The following CDC73 variants were observed in gnomAD, a reference collection of about 807,000 sequenced individuals.
The protein encoded by CDC73 is parafibromin.
Under a neutral mutation model 83.7 loss-of-function variants are expected in CDC73, and 21 were observed. The ratio of observed to expected loss-of-function variants is 0.25; its 90% CI spans 0.18 to 0.36. CDC73 has a LOEUF of 0.36. Among genes scored for constraint, CDC73 ranks in the 10% least tolerant of loss-of-function variants. The pLI is 1.00. For synonymous variants in CDC73, 224 were observed against 212.9 expected (o/e 1.05, Z -0.45); for missense variants, 342 against 653.3 (o/e 0.52, Z 5.19).
chr1:193,196,334 A>G (rs915520206), intron 10 of CDC73, among the ~76,000 whole-genome samples: 4 of 152,126 alleles, frequency 2.6e-5, no homozygotes, highest in Non-Finnish European at 2.9e-5. Flanking sequence ...ATTCTAGTCC[A>G]TTAATCTGTA....
chr1:193,207,987 G>A (rs999041621), intron 11 of CDC73, among the ~76,000 whole-genome samples: 6 of 152,154 alleles, frequency 3.9e-5, no homozygotes, highest in Non-Finnish European at 7.3e-5. Context: ...TTAACTGTCT[G>A]TGTAACATTT....
rs2102075521 is a variant in CDC73 at position 193,251,718 on chromosome 1, T to C, written c.*1006T>C. The C allele has an allele frequency of 4.3e-6, 1 of 232,158 alleles. No homozygotes were observed. The highest frequency in any genetic ancestry group is 5.6e-5 in the Admixed American group (1 of 17,732). 14.4% of individuals were successfully genotyped at this position (232,158 alleles called of 1,614,324 possible). The stretch of plus-strand genomic sequence containing the variant: ...CTGGTATTTTTATGTCTGTATTCAA[T>C]ATGGTATAAAATATAAAAACTATAT... On this transcript the variant is annotated 3_prime_UTR_variant, in exon 17 of 17. Transcript: ENST00000367435.
intron 10 of CDC73, chr1:193,179,448 C>T (rs749130971): frequency 2.0e-5 from 3 of 152,526 alleles, no homozygotes; most frequent in Admixed American, 6.5e-5. Context: ...CAGATATATT[C>T]GAAGTTAGAT....
chr1:193,160,447 A>G (rs1269530836), intron 10 of CDC73, among the ~76,000 whole-genome samples: 1 of 152,106 alleles, frequency 6.6e-6, no homozygotes, highest in African/African-American at 2.4e-5. Context: ...ACTATGAAAC[A>G]TAGTTTTGGT....
chr1:193,245,324 C>T (rs1677935521), intron 15 of CDC73, among the ~76,000 whole-genome samples: 1 of 152,132 alleles, frequency 6.6e-6, no homozygotes, highest in African/African-American at 2.4e-5. Flanking sequence ...CTTTTTACTT[C>T]TATGAGTTCA....
At chr1:193,215,982 G>C (rs1677360484) in intron 13 of CDC73, among the ~76,000 whole-genome samples, 1 of 152,174 alleles carries the variant, frequency 6.6e-6, no homozygotes, top group Non-Finnish European at 1.5e-5. Flanking sequence ...AAAGTTCATA[G>C]TGCTAAATGC....
chr1:193,178,426 T>C (rs1445994183), intron 10 of CDC73, among the ~76,000 whole-genome samples: 2 of 152,202 alleles, frequency 1.3e-5, no homozygotes, highest in Non-Finnish European at 2.9e-5. Flanking sequence ...AATTACTATC[T>C]TTTAAAGATC....
chr1:193,246,009 T>C (rs1375273597), intron 15 of CDC73, among the ~76,000 whole-genome samples: 1 of 152,190 alleles, frequency 6.6e-6, no homozygotes, highest in East Asian at 1.9e-4. Context: ...TTTAAGTTTC[T>C]AGTATATTCT....
intron 3 of CDC73, among the ~76,000 whole-genome samples, chr1:193,131,863 T>C (rs1252494560): frequency 2.0e-5 from 3 of 152,222 alleles, no homozygotes; most frequent in Non-Finnish European, 2.9e-5. Flanking sequence ...TTCCTCCTTC[T>C]GTGGTTTTTA....
intron 14 of CDC73, 117 bp from the exon 15 acceptor site, chr1:193,236,139 T>A: frequency 1.3e-6 from 1 of 780,020 alleles, no homozygotes; most frequent in African/African-American, 1.7e-5. Context: ...TTGATAAGAC[T>A]CTTTCACATG....
chr1:193,210,168 A>G (rs986573368), intron 11 of CDC73, among the ~76,000 whole-genome samples: 1 of 152,230 alleles, frequency 6.6e-6, no homozygotes, highest in Non-Finnish European at 1.5e-5. Context: ...GTGTTTGTGT[A>G]TATAGTTATC....
At chr1:193,212,992 A>T (rs1677303883) in intron 13 of CDC73, among the ~76,000 whole-genome samples, 1 of 152,324 alleles carries the variant, frequency 6.6e-6, no homozygotes, top group South Asian at 2.1e-4. Flanking sequence ...ATTAAAATGA[A>T]TACAGTCACA....
At chr1:193,135,509 CATTT>C in intron 4 of CDC73, 24 bp from the exon 5 acceptor site, 1 of 1,611,510 alleles carries the variant, frequency 6.2e-7, no homozygotes. Context: ...CAAAACTACA[CATTT>C]ATTTACTTCT....
At chr1:193,180,249 T>C in intron 10 of CDC73, 1 of 1,494,468 alleles carries the variant, frequency 6.7e-7, no homozygotes, top group Non-Finnish European at 9.0e-7. Flanking sequence ...ATACATGCTT[T>C]TAGCAATATT....
chr1:193,134,435 C>T (rs1207474810), intron 3 of CDC73, among the ~76,000 whole-genome samples: 1 of 152,030 alleles, frequency 6.6e-6, no homozygotes, highest in Non-Finnish European at 1.5e-5. Context: ...CTTTGGGAGG[C>T]CGAGGCGGGC....
chr1:193,175,234 CAG>C (rs1217352699), intron 10 of CDC73, among the ~76,000 whole-genome samples: 1 of 152,030 alleles, frequency 6.6e-6, no homozygotes, highest in Non-Finnish European at 1.5e-5. Flanking sequence ...ATATTGGCAA[CAG>C]ATTATGTGGA....
rs1572215403 is a variant in CDC73 at position 193,233,162 on chromosome 1, A to G, written c.1316+8A>G. The G allele has an allele frequency of 6.2e-7, 1 of 1,602,090 alleles. No individual in the cohort carries two copies. The highest frequency in any genetic ancestry group is 1.3e-5 in the African/African-American group (1 of 74,796). Reference sequence around the variant, plus strand: ...ACTTATGCCTCAAGACTGGTAAGATAGTCTCTATATATATATCTTTTCACA... The same window carrying G: ...ACTTATGCCTCAAGACTGGTAAGATGGTCTCTATATATATATCTTTTCACA... On this transcript the variant is annotated splice_region_variant and intron_variant, in intron 14 of 16. Transcript: ENST00000367435.
chr1:193,127,068 A>G (rs1558278696), intron 2 of CDC73, among the ~76,000 whole-genome samples: 1 of 152,090 alleles, frequency 6.6e-6, no homozygotes. Flanking sequence ...CAGGAGTTCA[A>G]GACCAACCTG....
At chr1:193,242,138 C>G (rs1677873440) in intron 15 of CDC73, among the ~76,000 whole-genome samples, 1 of 146,504 alleles carries the variant, frequency 6.8e-6, no homozygotes, top group South Asian at 2.1e-4. Context: ...GCTTCCCCCA[C>G]CCCGACTTAG....
Sources: allele counts gnomAD v4.1 joint callset (sites outside exome capture counted in the v4.1 genomes callset), GRCh38; gene constraint gnomAD v4.1.1; transcripts MANE v1.5; gene names NCBI Gene and HGNC (gene_info 2026-07-23, HGNC 2026-07-21).